The following MMP9 variants were observed in gnomAD, a reference collection of about 807,000 sequenced individuals.
The protein encoded by MMP9 is matrix metalloproteinase-9.
Under a neutral mutation model 76.4 loss-of-function variants are expected in MMP9, and 73 were observed. The ratio of observed to expected loss-of-function variants is 0.96; its 90% CI spans 0.79 to 1.16. The LOEUF (loss-of-function observed/expected upper bound fraction) is 1.16. MMP9 is among the 50% of genes most tolerant of loss of function. MMP9 has a pLI of 0.00. For synonymous variants in MMP9, 412 were observed against 408.4 expected (o/e 1.01, Z -0.11); for missense variants, 943 against 973.0 (o/e 0.97, Z 0.41).
At chr20:46,010,129 G>A in intron 2 of MMP9, 31 bp downstream of exon 2, 1 of 1,496,012 alleles carries the variant, frequency 6.7e-7, no homozygotes, top group Non-Finnish European at 9.1e-7. Context: ...CAGCGGGGTG[G>A]GGCGGGGAGG....
Position 46,011,526 on chromosome 20 carries a change from T to A in MMP9, c.824-48T>A, listed in dbSNP as rs753482576. ...AACAGGACACACTTGGGGGTTATAA[T>A]GTGCTGTCTCCGCCTTCTCCCCCTT... On this transcript the variant is annotated intron_variant, in intron 5 of 12. Coordinates refer to ENST00000372330, the MANE Select transcript of MMP9 (RefSeq NM_004994.3). 9.9e-6 allele frequency: 16 copies of A among 1,608,444 alleles called. No individual in the cohort carries two copies. The Middle Eastern group carries it at 6.6e-4, about 66-fold the overall frequency.
chr20:46,011,641 A>T lies in MMP9; in HGVS notation c.891A>T (p.Gln297His). The T allele has an allele frequency of 6.2e-7, 1 of 1,602,160 alleles. No individual in the cohort carries two copies. ...AGTTTCCATTCATCTTCCAAGGCCA[A>T]TCCTACTCCGCCTGCACCACGGACG... ...PCQFPFIFQG[Q>H]SYSACTTDGR... is the part of the protein sequence containing the mutation. The change falls in exon 6 of 13, where the codon CAA (glutamine) becomes CAT (histidine). Residue 297 changes from glutamine (Q) to histidine (H), a missense_variant. Coordinates refer to ENST00000372330, the MANE Select transcript of MMP9 (RefSeq NM_004994.3).
At chr20:46,015,750 C>T (rs756054810) in intron 12 of MMP9, among the ~76,000 whole-genome samples, 6 of 152,298 alleles carry the variant, frequency 3.9e-5, no homozygotes, top group East Asian at 3.9e-4. Context: ...CGCACCCAGC[C>T]GCTTTCTATA....
rs796972949 is a variant in MMP9, at chr20:46,010,333, A to AAAAAAAAAAAAAAAAAAAAAC, written c.372-142_372-141insAAAAAAAAAAAACAAAAAAAA. On this transcript the variant is annotated intron_variant, in intron 2 of 12. Transcript: ENST00000372330. ...GGGTCTAAGTAGACAAAAAAAAAAA[A>AAAAAAAAAAAAAAAAAAAAAC]AAAAAAAACAGTCTGGAAGCAATTT... 362 of 828,710 alleles carry AAAAAAAAAAAAAAAAAAAAAC rather than the reference A, an allele frequency of 4.4e-4. 7 individuals are homozygous for AAAAAAAAAAAAAAAAAAAAAC. In the African/African-American group the frequency reaches 7.1e-3, roughly 16 times the overall value. The allele number at this position is 828,710 out of a possible 1,614,324, so 51.3% of individuals were successfully genotyped here.
At chr20:46,009,818 A>C in intron 1 of MMP9, 48 bp from the exon 2 acceptor site, 6 of 1,504,698 alleles carry the variant, frequency 4.0e-6, no homozygotes, top group Non-Finnish European at 5.4e-6. Flanking sequence ...CCAGCTGGGC[A>C]GAGAAAGGGG....
chr20:46,012,414 C>G lies in MMP9; in HGVS notation c.1175-13C>G, dbSNP rs374362256. 20 of 1,613,892 alleles carry G rather than the reference C, an allele frequency of 1.2e-5. No homozygotes were observed. The Admixed American group carries it at 3.2e-4, about 26-fold the overall frequency. On this transcript the variant is annotated splice_polypyrimidine_tract_variant and intron_variant, in intron 7 of 12. Transcript: ENST00000372330. ...GGCCCGGCGCTCACGTCTCAGGCTCCCTCTCCCTCCAGGATACAGTTTGTT... is the reference window on the plus strand; with the variant it reads ...GGCCCGGCGCTCACGTCTCAGGCTCGCTCTCCCTCCAGGATACAGTTTGTT...
rs1245154858 is a variant in MMP9 at position 46,014,171 on chromosome 20, C to T, written c.1798C>T (p.Arg600Cys). The change falls in exon 11 of 13, where the codon CGT (arginine) becomes TGT (cysteine). Residue 600 changes from arginine (R) to cysteine (C), a missense_variant. Coordinates refer to ENST00000372330, the MANE Select transcript of MMP9 (RefSeq NM_004994.3). ...YTGASVLGPR[R>C]LDKLGLGADV... Reference sequence around the variant, plus strand: ...AGGCGCGTCGGTGCTGGGCCCGAGGCGTCTGGACAAGCTGGGCCTGGGAGC... The same window carrying T: ...AGGCGCGTCGGTGCTGGGCCCGAGGTGTCTGGACAAGCTGGGCCTGGGAGC... The T allele has an allele frequency of 5.2e-6, 8 of 1,538,384 alleles. No individual in the cohort carries two copies. Among genetic ancestry groups the T allele is most frequent in the South Asian group, 1.2e-5 (1 of 83,958 alleles).
In MMP9 at chr20:46,013,631, C is replaced by G. The variant is rs185167031; in HGVS notation, c.1611-26C>G. ...GGCCCTGTGTCCAAGGCTTAGAGCC[C>G]GTCCTTTCCCTCCTCGCTTTCTCAG... On this transcript the variant is annotated intron_variant, in intron 9 of 12. Coordinates refer to ENST00000372330, the MANE Select transcript of MMP9 (RefSeq NM_004994.3). The surrounding 1 kb of genome is among the most constrained non-coding windows in gnomAD (Gnocchi z 4.5). 2.5e-4 allele frequency: 411 copies of G among 1,614,008 alleles called. No homozygotes were observed. The African/African-American group carries it at 4.8e-3, about 19-fold the overall frequency.
rs796972949 is a variant in MMP9, at chr20:46,010,333, A to AAAAAAAAAAAAAAAAAAAAAAC, written c.372-142_372-141insAAAAAAAAAAAAACAAAAAAAA. On this transcript the variant is annotated intron_variant, in intron 2 of 12. Coordinates refer to ENST00000372330, the MANE Select transcript of MMP9 (RefSeq NM_004994.3). ...GGGTCTAAGTAGACAAAAAAAAAAA[A>AAAAAAAAAAAAAAAAAAAAAAC]AAAAAAAACAGTCTGGAAGCAATTT... The AAAAAAAAAAAAAAAAAAAAAAC allele has an allele frequency of 1.5e-4, 121 of 828,772 alleles. 1 individual carries two copies. In the African/African-American group the frequency reaches 2.1e-3, roughly 14 times the overall value. The allele number at this position is 828,772 out of a possible 1,614,324, so 51.3% of individuals were successfully genotyped here.
At chr20:46,014,037 A>T in intron 10 of MMP9, 87 bp from the exon 11 acceptor site, 1 of 1,520,066 alleles carries the variant, frequency 6.6e-7, no homozygotes, top group Non-Finnish European at 8.8e-7. Context: ...GGGCTAGGAA[A>T]GGCCTCGCCG....
intron 2 of MMP9, among the ~76,000 whole-genome samples, 153 bp from the exon 3 acceptor site, chr20:46,010,330 A>AAAACAAAAAAAAAAC (rs1555856939): frequency 9.8e-6 from 1 of 101,926 alleles, no homozygotes; most frequent in Non-Finnish European, 2.1e-5. Flanking sequence ...ACAAAAAAAA[A>AAAACAAAAAAAAAAC]AAAAAAAAAA....
In MMP9 at chr20:46,008,997, G is replaced by A. The variant is rs143089810; in HGVS notation, c.71G>A (p.Arg24His). Reference protein sequence around the residue: ...LGCCFAAPRQRQSTLVLFPGD... With the variant: ...LGCCFAAPRQHQSTLVLFPGD... ...TGCTGCTTTGCTGCCCCCAGACAGC[G>A]CCAGTCCACCCTTGTGCTCTTCCCT... is the stretch of plus-strand genomic sequence containing the variant. Residue 24 changes from arginine to histidine, a missense_variant, in exon 1 of 13, where the codon CGC becomes CAC. Physicochemically the swap from Arg to His is conservative, Grantham distance 29. Coordinates refer to ENST00000372330, the MANE Select transcript of MMP9 (RefSeq NM_004994.3). 10 of 1,613,916 alleles carry A rather than the reference G, an allele frequency of 6.2e-6. No homozygotes were observed. The highest frequency in any genetic ancestry group is 1.1e-5 in the South Asian group (1 of 91,028).
At chr20:46,014,034 G>A in intron 10 of MMP9, 90 bp from the exon 11 acceptor site, 2 of 1,520,130 alleles carry the variant, frequency 1.3e-6, no homozygotes, top group South Asian at 1.2e-5. Context: ...CGCGGGCTAG[G>A]AAAGGCCTCG....
rs1394460204 is a variant in MMP9 at position 46,012,213 on chromosome 20, C to T, written c.1074C>T (p.Tyr358=). Residue 358 remains tyrosine (Y), a synonymous_variant, in exon 7 of 13, where the codon TAC becomes TAT. Coordinates refer to ENST00000372330, the MANE Select transcript of MMP9 (RefSeq NM_004994.3). The stretch of plus-strand genomic sequence containing the variant: ...CCTTCACTTTCCTGGGTAAGGAGTA[C>T]TCGACCTGTACCAGCGAGGGCCGCG... ...VFPFTFLGKE[Y]STCTSEGRGD... The T allele has an allele frequency of 6.2e-7, 1 of 1,614,090 alleles. No individual in the cohort carries two copies. The highest frequency in any genetic ancestry group is 1.3e-5 in the African/African-American group (1 of 74,956).
In MMP9 at chr20:46,010,333, A is replaced by AAAAAAAAAAAAAAAAAAAAAAAAAAAC. The variant is rs796972949; in HGVS notation, c.372-142_372-141insAAAAAAAAAAAAAAAAAACAAAAAAAA. 2.2e-5 allele frequency: 18 copies of AAAAAAAAAAAAAAAAAAAAAAAAAAAC among 828,810 alleles called. 2 individuals are homozygous for AAAAAAAAAAAAAAAAAAAAAAAAAAAC. In the African/African-American group the frequency reaches 3.7e-4, roughly 17 times the overall value. 51.3% of individuals were successfully genotyped at this position (828,810 alleles called of 1,614,324 possible). ...GGGTCTAAGTAGACAAAAAAAAAAAAAAAAAAAACAGTCTGGAAGCAATTT... is the reference window on the plus strand; with the variant it reads ...GGGTCTAAGTAGACAAAAAAAAAAAAAAAAAAAAAAAAAAAAAAAAAAAAAACAAAAAAAACAGTCTGGAAGCAATTT... On this transcript the variant is annotated intron_variant, in intron 2 of 12. Coordinates refer to ENST00000372330, the MANE Select transcript of MMP9 (RefSeq NM_004994.3).
rs1303865621 is a variant in MMP9, at chr20:46,011,765, A to T, written c.997+18A>T. ...GACCCGAGGTACCTCCACCCTGTCT[A>T]CCAGGTTCAGCCCCGCCCTCTCATC... On this transcript the variant is annotated intron_variant, in intron 6 of 12. Coordinates refer to ENST00000372330, the MANE Select transcript of MMP9 (RefSeq NM_004994.3). 6.9e-6 allele frequency: 11 copies of T among 1,603,456 alleles called. No individual in the cohort carries two copies. Among genetic ancestry groups the T allele is most frequent in the Non-Finnish European group, 9.3e-6 (11 of 1,177,676 alleles).
rs771043300 is a variant in MMP9 at position 46,012,502 on chromosome 20, C to T, written c.1250C>T (p.Ala417Val). The stretch of plus-strand genomic sequence containing the variant: ...TTAGATCATTCCTCAGTGCCGGAGG[C>T]GCTCATGTACCCTATGTACCGCTTC... ...LGLDHSSVPE[A>V]LMYPMYRFTE... Residue 417 changes from alanine to valine, a missense_variant, in exon 8 of 13, where the codon GCG becomes GTG. Physicochemically the swap from Ala to Val is moderately conservative, Grantham distance 64. Transcript: ENST00000372330. 24 of 1,613,900 alleles carry T rather than the reference C, an allele frequency of 1.5e-5. No individual in the cohort carries two copies. In the Admixed American group the frequency reaches 2.2e-4, roughly 15 times the overall value.
rs771781780 is a variant in MMP9, at chr20:46,010,927, G to A, written c.526G>A (p.Gly176Arg). 6.2e-7 allele frequency: 1 copy of A among 1,614,240 alleles called. No individual in the cohort carries two copies. Among genetic ancestry groups the A allele is most frequent in the South Asian group, 1.1e-5 (1 of 91,084 alleles). The stretch of plus-strand genomic sequence containing the variant: ...CTCTCGACCTGTTTCTTCAGAGCAC[G>A]GAGACGGGTATCCCTTCGACGGGAA... ...IVIQFGVAEH[G>R]DGYPFDGKDG... is the part of the protein sequence containing the mutation. Residue 176 changes from glycine (G) to arginine (R), a missense_variant, in exon 4 of 13, where the codon GGA becomes AGA. Transcript: ENST00000372330.
At position 46,011,152 on chromosome 20, in the gene MMP9, C is replaced by T; in HGVS notation, c.659C>T (p.Thr220Ile). 6.2e-7 allele frequency: 1 copy of T among 1,614,178 alleles called. No homozygotes were observed. Among genetic ancestry groups the T allele is most frequent in the Non-Finnish European group, 8.5e-7 (1 of 1,180,040 alleles). Reference sequence around the variant, plus strand: ...CCCCCTCCTCCTGCAGTGGTTCCAACTCGGTTTGGAAACGCAGATGGCGCG... The same window carrying T: ...CCCCCTCCTCCTGCAGTGGTTCCAATTCGGTTTGGAAACGCAGATGGCGCG... ...WSLGKGVVVP[T>I]RFGNADGAAC... Residue 220 changes from threonine (T) to isoleucine (I), a missense_variant, in exon 5 of 13, where the codon ACT (threonine) becomes ATT (isoleucine). Coordinates refer to ENST00000372330, the MANE Select transcript of MMP9 (RefSeq NM_004994.3).
Sources: gnomAD v4.1 joint callset for allele counts (sites outside exome capture counted in the v4.1 genomes callset) on GRCh38, gnomAD v4.1.1 for gene constraint, Gnocchi (gnomAD v3.1) non-coding constraint, MANE v1.5 for transcripts, NCBI Gene and HGNC (gene_info 2026-07-23, HGNC 2026-07-21) for gene names.